Variants in GALNT18 observed in about 807,000 individuals in gnomAD.
GALNT18 encodes GalNAc-transferase 18.
A neutral mutation model predicts 69.5 loss-of-function variants in GALNT18; 44 were observed. The observed-to-expected ratio is 0.63, with a 90% confidence interval of 0.50 to 0.81. The LOEUF is 0.81. Ranked by LOEUF, GALNT18 falls within the 40% of genes least tolerant of loss-of-function variation. The probability of loss-of-function intolerance (pLI) is 0.00; values close to 1 mark genes in which losing one functional copy is unlikely to be tolerated. For missense variants in GALNT18, 715 were observed against 810.0 expected (o/e 0.88, Z 1.42); for synonymous variants, 364 against 318.2 (o/e 1.14, Z -1.53).
chr11:11,530,052 A>C (rs1313155810), intron 1 of GALNT18, among the ~76,000 whole-genome samples: 2 of 152,124 alleles, frequency 1.3e-5, no homozygotes, highest in African/African-American at 4.8e-5. Flanking sequence ...CTTGAAGTCA[A>C]GGCCTTAATT....
chr11:11,446,864 C>T (rs1855665736), intron 2 of GALNT18, among the ~76,000 whole-genome samples: 1 of 152,224 alleles, frequency 6.6e-6, no homozygotes, highest in South Asian at 2.1e-4. Context: ...TGAAGCCCTT[C>T]TCCTGGGATT....
intron 1 of GALNT18, among the ~76,000 whole-genome samples, chr11:11,473,070 C>T (rs1856308606): frequency 6.6e-6 from 1 of 152,160 alleles, no homozygotes. Flanking sequence ...CTCACTCTGC[C>T]CTATCCCACT....
intron 1 of GALNT18, among the ~76,000 whole-genome samples, chr11:11,512,137 C>G (rs1857178101): frequency 1.3e-5 from 2 of 152,134 alleles, no homozygotes; most frequent in African/African-American, 4.8e-5. Flanking sequence ...TTAAAGTCAC[C>G]AAAGACGAAA....
chr11:11,440,502 G>A lies in GALNT18; in HGVS notation c.429-7715C>T, dbSNP rs573474474. Among the ~76,000 whole-genome samples, 17 of 152,348 alleles carry A rather than the reference G, an allele frequency of 1.1e-4. No homozygotes were observed. The South Asian group carries it at 3.5e-3, about 32-fold the overall frequency. On this transcript the variant is annotated intron_variant, in intron 2 of 10. Transcript: ENST00000227756. ...TAGATCCGCAGGGCAAGGGAAGGCG[G>A]ATTCTAAGGAAGAATGGGGCAACTT...
chr11:11,316,442 TG>T (rs1417186344), intron 9 of GALNT18, among the ~76,000 whole-genome samples: 1 of 152,162 alleles, frequency 6.6e-6, no homozygotes, highest in Non-Finnish European at 1.5e-5. Context: ...TTAATGCCCC[TG>T]CGGACACTGG....
chr11:11,540,317 T>C lies in GALNT18; in HGVS notation c.235+81042A>G, dbSNP rs1417136452. On this transcript the variant is annotated intron_variant, in intron 1 of 10. Transcript: ENST00000227756. The surrounding 1 kb of genome is among the most constrained non-coding windows in gnomAD (Gnocchi z 4.6). ...GCAGGATAAATGTTTTTCTTCGTCG[T>C]TGCCATGGAAACTTGTGACTCCTAC... Among the ~76,000 whole-genome samples, 2 of 152,152 alleles carry C rather than the reference T, an allele frequency of 1.3e-5. No homozygotes were observed. Among genetic ancestry groups the C allele is most frequent in the Non-Finnish European group, 2.9e-5 (2 of 68,016 alleles).
intron 2 of GALNT18, among the ~76,000 whole-genome samples, chr11:11,434,273 A>T (rs932971273): frequency 6.6e-6 from 1 of 152,140 alleles, no homozygotes; most frequent in Non-Finnish European, 1.5e-5. Context: ...CCTTTTCCTA[A>T]ATCTACTTCG....
In GALNT18 at chr11:11,596,229, A is replaced by G. The variant is rs1859497581; in HGVS notation, c.235+25130T>C. 6.6e-6 allele frequency among the ~76,000 whole-genome samples: 1 copy of G among 152,210 alleles called. No homozygotes were observed. Among genetic ancestry groups the G allele is most frequent in the Non-Finnish European group, 1.5e-5 (1 of 68,032 alleles). ...CACTTAATTCTGGACTGTCAATTCT[A>G]TTCTGTTGATCAGTGTGTCTGTCCT... On this transcript the variant is annotated intron_variant, in intron 1 of 10. Transcript: ENST00000227756. The surrounding 1 kb of genome is among the most constrained non-coding windows in gnomAD (Gnocchi z 4.2).
In GALNT18 at chr11:11,434,717, A is replaced by G. The variant is rs529024969; in HGVS notation, c.429-1930T>C. Among the ~76,000 whole-genome samples the G allele has an allele frequency of 5.3e-5, 8 of 152,264 alleles. No homozygotes were observed. In the East Asian group the frequency reaches 1.5e-3, roughly 29 times the overall value. On this transcript the variant is annotated intron_variant, in intron 2 of 10. Transcript: ENST00000227756. ...GAGGAGGGAACCAGCTGATTTAACC[A>G]TGGTGAAAGAATGAAGGGAATAGGG... is the stretch of plus-strand genomic sequence containing the variant.
chr11:11,467,416 G>A (rs1856176783), intron 1 of GALNT18, among the ~76,000 whole-genome samples: 1 of 152,248 alleles, frequency 6.6e-6, no homozygotes. Context: ...TGATATGGCA[G>A]AGGCTTTTCT....
At position 11,619,439 on chromosome 11, in the gene GALNT18, C is replaced by T. The variant is rs558791377; in HGVS notation, c.235+1920G>A. On this transcript the variant is annotated intron_variant, in intron 1 of 10. Transcript: ENST00000227756. This position sits in a 1 kb window ranked among gnomAD's most constrained non-coding sequence, Gnocchi z 4.9. ...AACATCATGCTTTTCCATGTGGAAC[C>T]TTAGAAATCATGTGACATGGTCCAC... 6.6e-6 allele frequency among the ~76,000 whole-genome samples: 1 copy of T among 152,082 alleles called. No homozygotes were observed. Among genetic ancestry groups the T allele is most frequent in the African/African-American group, 2.4e-5 (1 of 41,388 alleles).
intron 9 of GALNT18, among the ~76,000 whole-genome samples, chr11:11,312,515 G>A (rs1849688840): frequency 6.6e-6 from 1 of 152,128 alleles, no homozygotes; most frequent in Admixed American, 6.5e-5. Context: ...TGTTCAGCAG[G>A]CTGAGGAGGA....
chr11:11,594,848 T>TATAC (rs1488821833), intron 1 of GALNT18, among the ~76,000 whole-genome samples: 2,891 of 114,060 alleles, frequency 0.025, 45 homozygotes, highest in East Asian at 0.052. Flanking sequence ...TATACACATA[T>TATAC]ACATACATAC....
intron 7 of GALNT18, among the ~76,000 whole-genome samples, chr11:11,336,927 A>C (rs1168757481): frequency 6.6e-6 from 1 of 152,184 alleles, no homozygotes; most frequent in Non-Finnish European, 1.5e-5. Flanking sequence ...GAGGGGCCTC[A>C]TTCTTCTTAC....
At chr11:11,579,973 A>G (rs1859035967) in intron 1 of GALNT18, among the ~76,000 whole-genome samples, 1 of 152,210 alleles carries the variant, frequency 6.6e-6, no homozygotes. Context: ...CCAACCCCTC[A>G]GTGTGGTGGC....
intron 1 of GALNT18, among the ~76,000 whole-genome samples, chr11:11,529,771 TGTGA>T (rs775164861): frequency 1.3e-5 from 2 of 152,186 alleles, no homozygotes; most frequent in Non-Finnish European, 2.9e-5. Flanking sequence ...TGTACCTATA[TGTGA>T]ATGTGTGTAT....
intron 1 of GALNT18, among the ~76,000 whole-genome samples, chr11:11,553,884 C>T (rs1338906822): frequency 1.3e-5 from 2 of 152,210 alleles, no homozygotes; most frequent in Non-Finnish European, 2.9e-5. Flanking sequence ...TTAGAAAATG[C>T]ATGGGCACAT....
At chr11:11,514,202 G>T (rs1273298221) in intron 1 of GALNT18, among the ~76,000 whole-genome samples, 1 of 152,246 alleles carries the variant, frequency 6.6e-6, no homozygotes, top group Non-Finnish European at 1.5e-5. Flanking sequence ...AAGTCACACA[G>T]GGAGTAAGTG....
chr11:11,354,836 G>T (rs886759658), intron 6 of GALNT18, among the ~76,000 whole-genome samples: 2 of 152,044 alleles, frequency 1.3e-5, no homozygotes, highest in Non-Finnish European at 2.9e-5. Context: ...TTTCTTCCCT[G>T]CCTCCCCATC....
Sources: allele counts gnomAD v4.1 joint callset (sites outside exome capture counted in the v4.1 genomes callset), GRCh38; gene constraint gnomAD v4.1.1; non-coding constraint Gnocchi (gnomAD v3.1); transcripts MANE v1.5; gene names NCBI Gene and HGNC (gene_info 2026-07-23, HGNC 2026-07-21).